The following C8orf34 variants were observed in gnomAD, a reference collection of about 807,000 sequenced individuals.
The protein encoded by C8orf34 is uncharacterized protein C8orf34.
C8orf34 carries 65 observed loss-of-function variants against 68.3 expected under a neutral mutation model. The ratio of observed to expected loss-of-function variants is 0.95; its 90% CI spans 0.78 to 1.17. The LOEUF (loss-of-function observed/expected upper bound fraction) is 1.17. C8orf34 is among the 50% of genes most tolerant of loss of function. The pLI is 0.00. For missense variants in C8orf34, 664 were observed against 655.4 expected, an observed-to-expected ratio of 1.01 and a Z score of -0.14; for synonymous variants, 244 against 241.2, an observed-to-expected ratio of 1.01 and a Z score of -0.11.
At chr8:68,797,400 A>G (rs747650153) in intron 12 of C8orf34, among the ~76,000 whole-genome samples, 2 of 152,098 alleles carry the variant, frequency 1.3e-5, no homozygotes, top group African/African-American at 2.4e-5. Context: ...TCATTGACCC[A>G]TGCTTCACTC....
At chr8:68,486,845 T>C (rs555583796) in intron 4 of C8orf34, among the ~76,000 whole-genome samples, 1 of 152,262 alleles carries the variant, frequency 6.6e-6, no homozygotes, top group Non-Finnish European at 1.5e-5. Context: ...CAATTCCTAT[T>C]CTTATTTTCT....
chr8:68,335,959 C>G (rs1012725173), intron 1 of C8orf34, among the ~76,000 whole-genome samples: 1 of 151,960 alleles, frequency 6.6e-6, no homozygotes, highest in Non-Finnish European at 1.5e-5. Flanking sequence ...TGGTGATGCA[C>G]ACCTGTAATC....
chr8:68,453,730 C>T (rs958770981), intron 3 of C8orf34, among the ~76,000 whole-genome samples: 2 of 152,030 alleles, frequency 1.3e-5, no homozygotes, highest in African/African-American at 4.8e-5. Context: ...GATAGTTTAA[C>T]TTCTTCCTTT....
upstream of C8orf34, chr8:68,330,764 A>C: frequency 7.7e-6 from 3 of 388,010 alleles, no homozygotes; most frequent in Non-Finnish European, 9.0e-6. Context: ...GTCACCGGGG[A>C]AAGGAGGTAC....
chr8:68,777,748 C>T (rs1585868074), intron 11 of C8orf34, among the ~76,000 whole-genome samples: 1 of 152,160 alleles, frequency 6.6e-6, no homozygotes, highest in East Asian at 1.9e-4. Flanking sequence ...ATGAAAAATC[C>T]CAATTTTGTT....
At chr8:68,473,525 C>T (rs2129630284) in intron 4 of C8orf34, among the ~76,000 whole-genome samples, 1 of 152,270 alleles carries the variant, frequency 6.6e-6, no homozygotes, top group South Asian at 2.1e-4. Flanking sequence ...GCCACAACTG[C>T]CAGCATTCAG....
intron 12 of C8orf34, among the ~76,000 whole-genome samples, chr8:68,799,708 CT>C (rs764756636): frequency 2.1e-4 from 32 of 152,142 alleles, no homozygotes; most frequent in Non-Finnish European, 4.1e-4. Context: ...TGTGTTTCCC[CT>C]ATCAAGTTAT....
At chr8:68,722,039 T>C (rs1821692480) in intron 10 of C8orf34, among the ~76,000 whole-genome samples, 2 of 152,098 alleles carry the variant, frequency 1.3e-5, no homozygotes, top group Admixed American at 1.3e-4. Flanking sequence ...ATTCTCTGTA[T>C]TAATTTGCTA....
chr8:68,706,928 CTT>C (rs776147877), intron 8 of C8orf34, among the ~76,000 whole-genome samples: 4 of 152,078 alleles, frequency 2.6e-5, no homozygotes, highest in African/African-American at 4.8e-5. Flanking sequence ...TTAGGTGAGA[CTT>C]TCCAATATGA....
intron 1 of C8orf34, among the ~76,000 whole-genome samples, chr8:68,385,899 T>A (rs1025528256): frequency 6.6e-6 from 1 of 152,148 alleles, no homozygotes; most frequent in Admixed American, 6.5e-5. Context: ...AGCTTTATTT[T>A]ACTTATTTAC....
At chr8:68,691,360 TTAATAGAC>T (rs1353007112) in intron 8 of C8orf34, among the ~76,000 whole-genome samples, 3 of 152,090 alleles carry the variant, frequency 2.0e-5, no homozygotes, top group Admixed American at 6.6e-5. Flanking sequence ...TATCGCACAC[TTAATAGAC>T]TACAGTATAG....
intron 10 of C8orf34, among the ~76,000 whole-genome samples, chr8:68,747,737 G>A (rs946195577): frequency 6.6e-6 from 1 of 151,840 alleles, no homozygotes; most frequent in Non-Finnish European, 1.5e-5. Flanking sequence ...AATAAAAGAG[G>A]ATACAAACAA....
At chr8:68,554,014 G>T (rs948535676) in intron 7 of C8orf34, among the ~76,000 whole-genome samples, 2 of 151,918 alleles carry the variant, frequency 1.3e-5, no homozygotes, top group African/African-American at 4.8e-5. Context: ...CATATTTCAA[G>T]AAACTTTTAA....
chr8:68,710,957 C>G (rs1298249558), intron 9 of C8orf34, among the ~76,000 whole-genome samples: 1 of 152,192 alleles, frequency 6.6e-6, no homozygotes, highest in Non-Finnish European at 1.5e-5. Flanking sequence ...CTGGTATCCA[C>G]AGCTGCAAGA....
intron 8 of C8orf34, among the ~76,000 whole-genome samples, chr8:68,659,003 T>C (rs1284195251): frequency 1.3e-5 from 2 of 152,206 alleles, no homozygotes; most frequent in African/African-American, 4.8e-5. Flanking sequence ...TCATGTACTT[T>C]ACAATTTTTG....
chr8:68,565,620 G>A (rs976844788), intron 7 of C8orf34, among the ~76,000 whole-genome samples: 12 of 145,636 alleles, frequency 8.2e-5, no homozygotes, highest in Admixed American at 2.0e-4. Context: ...TCCATCTTTT[G>A]TGTCGCGATG....
chr8:68,733,951 A>C (rs1358301641), intron 10 of C8orf34, among the ~76,000 whole-genome samples: 1 of 152,168 alleles, frequency 6.6e-6, no homozygotes, highest in Non-Finnish European at 1.5e-5. Flanking sequence ...AGAATTGTGA[A>C]TCAGATGTCT....
intron 1 of C8orf34, among the ~76,000 whole-genome samples, chr8:68,347,308 G>A (rs1034388078): frequency 2.0e-5 from 3 of 151,948 alleles, no homozygotes; most frequent in Admixed American, 6.6e-5. Context: ...CTTTTCTTAC[G>A]GCTGCATAGC....
At chr8:68,340,261 T>A (rs943711212) in intron 1 of C8orf34, among the ~76,000 whole-genome samples, 18 of 152,206 alleles carry the variant, frequency 1.2e-4, no homozygotes, top group Admixed American at 1.0e-3. Context: ...CGTTATTGGA[T>A]AAAAAATTTG....
Sources: gnomAD v4.1 joint callset for allele counts (sites outside exome capture counted in the v4.1 genomes callset) on GRCh38, gnomAD v4.1.1 for gene constraint, MANE v1.5 for transcripts, NCBI Gene and HGNC (gene_info 2026-07-23, HGNC 2026-07-21) for gene names.